MYH15: variants seen among roughly 807,000 people sequenced by gnomAD.
MYH15 encodes myosin heavy chain 15.
In MYH15, 227 loss-of-function variants were observed where a neutral mutation model predicts 240.5. The ratio of observed to expected loss-of-function variants is 0.94; its 90% CI spans 0.85 to 1.05. The LOEUF (loss-of-function observed/expected upper bound fraction) is 1.05. Ranked by LOEUF, MYH15 falls within the 50% of genes least tolerant of loss-of-function variation. The probability of loss-of-function intolerance (pLI) is 0.00; values close to 1 mark genes in which losing one functional copy is unlikely to be tolerated. For missense variants in MYH15, 2,217 were observed against 2,247.5 expected, an observed-to-expected ratio of 0.99 and a Z score of 0.27; for synonymous variants, 785 against 796.7, an observed-to-expected ratio of 0.99 and a Z score of 0.25.
intron 37 of MYH15, among the ~76,000 whole-genome samples, chr3:108,390,384 A>C (rs2082415064): frequency 6.6e-6 from 1 of 152,206 alleles, no homozygotes; most frequent in African/African-American, 2.4e-5. Flanking sequence ...CTAGGCCATA[A>C]TAGTGAACAA....
At chr3:108,486,799 A>G (rs2083309560) in intron 9 of MYH15, among the ~76,000 whole-genome samples, 1 of 150,396 alleles carries the variant, frequency 6.6e-6, no homozygotes, top group Non-Finnish European at 1.5e-5. Context: ...AAAAAAAACA[A>G]AAACAAACAA....
chr3:108,402,601 A>G (rs1287298577), intron 33 of MYH15, among the ~76,000 whole-genome samples: 1 of 152,266 alleles, frequency 6.6e-6, no homozygotes, highest in Non-Finnish European at 1.5e-5. Context: ...CCTTTCAATC[A>G]GTGATCAACC....
At chr3:108,390,466 G>A (rs2082415592) in intron 37 of MYH15, among the ~76,000 whole-genome samples, 1 of 151,994 alleles carries the variant, frequency 6.6e-6, no homozygotes, top group South Asian at 2.1e-4. Flanking sequence ...ATTTTTTAGG[G>A]GAAAAATGCA....
upstream of MYH15, among the ~76,000 whole-genome samples, chr3:108,533,137 T>TTTTG (rs57336631): frequency 3.2e-4 from 43 of 132,822 alleles, 1 homozygote; most frequent in East Asian, 8.1e-3. Context: ...TTTTTTTTTT[T>TTTTG]CATGAGTATT....
Position 108,505,755 on chromosome 3 carries a change from C to T in MYH15, c.163G>A (p.Gly55Arg). Reference sequence around the variant, plus strand: ...TCTGCTGTCTCAACAATTACTGTTCCATCATCTTCACTCCCTTTTACCTCA... The same window carrying T: ...TCTGCTGTCTCAACAATTACTGTTCTATCATCTTCACTCCCTTTTACCTCA... ...EAEVKGSEDD[G>R]TVIVETADGE... Residue 55 changes from glycine to arginine, a missense_variant, in exon 2 of 41, where the codon GGA becomes AGA. By Grantham distance (125) the Gly-to-Arg change is moderately radical. Transcript: ENST00000693548. The T allele has an allele frequency of 6.2e-7, 1 of 1,611,378 alleles. No individual in the cohort carries two copies. The highest frequency in any genetic ancestry group is 8.5e-7 in the Non-Finnish European group (1 of 1,178,916).
intron 33 of MYH15, among the ~76,000 whole-genome samples, chr3:108,400,323 G>A: frequency 6.6e-6 from 1 of 152,330 alleles, no homozygotes; most frequent in Admixed American, 6.5e-5. Context: ...TGTTAGGACA[G>A]TTTAACTGCT....
chr3:108,459,500 A>G (rs942085212), intron 17 of MYH15, 51 bp from the exon 18 acceptor site: 7 of 1,066,610 alleles, frequency 6.6e-6, no homozygotes, highest in Non-Finnish European at 9.8e-6. Context: ...ATCACTAAAA[A>G]CACCAATCCA....
At chr3:108,415,876 T>C (rs1560337433) in intron 29 of MYH15, among the ~76,000 whole-genome samples, 3 of 152,280 alleles carry the variant, frequency 2.0e-5, no homozygotes, top group South Asian at 2.1e-4. Context: ...TGTAGGCCAA[T>C]TGGAAGTCAC....
At chr3:108,527,248 A>T (rs1311701764) in intron 1 of MYH15, among the ~76,000 whole-genome samples, 2 of 152,114 alleles carry the variant, frequency 1.3e-5, no homozygotes, top group Non-Finnish European at 2.9e-5. Context: ...AAGCAGGAGG[A>T]TTCTGTTTAG....
Position 108,517,268 on chromosome 3 carries a change from A to G in MYH15, c.-57-6681T>C, listed in dbSNP as rs556803128. Among the ~76,000 whole-genome samples the G allele has an allele frequency of 1.6e-4, 24 of 152,240 alleles. No individual in the cohort carries two copies. The South Asian group carries it at 4.1e-3, about 26-fold the overall frequency. On this transcript the variant is annotated intron_variant, in intron 1 of 41. Transcript: ENST00000273353. ...CTTCTCCTACACTTTACTACCTCCC[A>G]ATCTCTGATCAAAATGCTGGATCTC...
At chr3:108,443,835 T>C (rs2082904080) in intron 22 of MYH15, among the ~76,000 whole-genome samples, 2 of 150,792 alleles carry the variant, frequency 1.3e-5, no homozygotes, top group Non-Finnish European at 2.9e-5. Flanking sequence ...TTAATCAAAA[T>C]ATCTGAGAGT....
chr3:108,479,872 G>A (rs1313769359), intron 11 of MYH15, among the ~76,000 whole-genome samples: 1 of 152,130 alleles, frequency 6.6e-6, no homozygotes, highest in Non-Finnish European at 1.5e-5. Flanking sequence ...AGTTTTGTCA[G>A]TCTACAGGGG....
At chr3:108,485,828 C>G (rs1257059749) in intron 10 of MYH15, among the ~76,000 whole-genome samples, 1 of 152,188 alleles carries the variant, frequency 6.6e-6, no homozygotes, top group Non-Finnish European at 1.5e-5. Flanking sequence ...AGTATTTTCA[C>G]TTCTAGGAAT....
the MYH15 span, among the ~76,000 whole-genome samples, chr3:108,541,505 T>C: frequency 1.1e-4 from 16 of 151,636 alleles, no homozygotes; most frequent in Non-Finnish European, 1.6e-4. Flanking sequence ...ACAGGAGAAA[T>C]TGGAAAGGGA....
intron 1 of MYH15, among the ~76,000 whole-genome samples, chr3:108,507,454 CA>C (rs11320622): frequency 0.77 from 116,105 of 151,144 alleles, 46,604 homozygotes; most frequent in Non-Finnish European, 0.83. Flanking sequence ...ACTCAGTCAC[CA>C]ACCATCACCT....
At chr3:108,453,871 T>C (rs2082996746) in intron 21 of MYH15, 135 bp downstream of exon 21, 2 of 825,452 alleles carry the variant, frequency 2.4e-6, no homozygotes, top group Admixed American at 2.6e-5. Flanking sequence ...TGTTATCTCA[T>C]GATTTAAAAA....
intron 24 of MYH15, among the ~76,000 whole-genome samples, chr3:108,439,059 A>G (rs1406021649): frequency 2.6e-5 from 4 of 152,080 alleles, no homozygotes; most frequent in African/African-American, 7.2e-5. Flanking sequence ...AGAAGAAAAA[A>G]AAAAAACCTA....
chr3:108,495,917 G>T, intron 6 of MYH15, 45 bp from the exon 7 acceptor site: 1 of 1,458,292 alleles, frequency 6.9e-7, no homozygotes. Flanking sequence ...ACTATTAGTA[G>T]AATTCTGTAA....
At chr3:108,491,498 A>C (rs1227926334) in intron 9 of MYH15, among the ~76,000 whole-genome samples, 1 of 152,064 alleles carries the variant, frequency 6.6e-6, no homozygotes, top group Admixed American at 6.6e-5. Flanking sequence ...CTCTACCAAG[A>C]CCTGTCTATT....
Sources: allele counts gnomAD v4.1 joint callset (sites outside exome capture counted in the v4.1 genomes callset), GRCh38; gene constraint gnomAD v4.1.1; transcripts MANE v1.5; gene names NCBI Gene and HGNC (gene_info 2026-07-23, HGNC 2026-07-21).